SAP30L: variants seen among roughly 807,000 people sequenced by gnomAD.
The protein encoded by SAP30L is histone deacetylase complex subunit SAP30L.
In SAP30L, 10 loss-of-function variants were observed where a neutral mutation model predicts 22.3. The observed-to-expected ratio is 0.45, with a 90% CI of 0.28 to 0.76. The LOEUF (loss-of-function observed/expected upper bound fraction) is 0.76, where lower values mean the gene tolerates loss of function less well. Among genes scored for constraint, SAP30L ranks in the 30% least tolerant of loss-of-function variants. The pLI, the probability that SAP30L is intolerant of heterozygous loss-of-function variation, is 0.14. For synonymous variants in SAP30L, 91 were observed against 94.1 expected, an observed-to-expected ratio of 0.97 and a Z score of 0.19; for missense variants, 206 against 237.9, an observed-to-expected ratio of 0.87 and a Z score of 0.88.
chr5:154,452,196 G>A (rs905913701), intron 2 of SAP30L, among the ~76,000 whole-genome samples: 1 of 152,070 alleles, frequency 6.6e-6, no homozygotes, highest in African/African-American at 2.4e-5. Flanking sequence ...AAGAGTAGGC[G>A]GGCCTTTGTC....
intron 3 of SAP30L, among the ~76,000 whole-genome samples, chr5:154,455,263 C>T (rs936727287): frequency 2.6e-5 from 4 of 152,164 alleles, no homozygotes; most frequent in African/African-American, 4.8e-5. Context: ...TGCTCTGTCT[C>T]CTAGGCTGGG....
Position 154,446,721 on chromosome 5 carries a change from C to T in SAP30L, c.117C>T (p.Val39=). 2 of 1,604,790 alleles carry T rather than the reference C, an allele frequency of 1.2e-6. No individual in the cohort carries two copies. The highest frequency in any genetic ancestry group is 1.7e-6 in the Non-Finnish European group (2 of 1,177,858). ...CCLIEDGERC[V]RPAGNASFSK... is the part of the protein sequence containing the mutation. ...TCATCGAGGACGGCGAGCGCTGCGT[C>T]CGGCCCGCGGGCAACGCCTCCTTCA... The change falls in exon 1 of 4, where the codon GTC becomes GTT. Residue 39 remains valine, a synonymous_variant. Transcript: ENST00000297109.
chr5:154,460,518 A>G lies in SAP30L; in HGVS notation c.*4490A>G, dbSNP rs141905362. 1.1e-4 allele frequency: 16 copies of G among 152,192 alleles called. No individual in the cohort carries two copies. Among genetic ancestry groups the G allele is most frequent in the African/African-American group, 3.9e-4 (16 of 41,430 alleles). The allele number at this position is 152,192 out of a possible 1,614,324, so 9.4% of individuals were successfully genotyped here. A position where few individuals can be genotyped will look rare whatever the true frequency, so the allele number is the denominator to read the frequency against. On this transcript the variant is annotated 3_prime_UTR_variant, in exon 4 of 4. Coordinates refer to ENST00000297109, the MANE Select transcript of SAP30L (RefSeq NM_024632.6). ...GGTGCCTTTTTATTCCTTTCATTGTATTATAGACTGTTTCCAAGTTTATGG... is the reference window on the plus strand; with the variant it reads ...GGTGCCTTTTTATTCCTTTCATTGTGTTATAGACTGTTTCCAAGTTTATGG...
At position 154,446,385 on chromosome 5, in the gene SAP30L, C is replaced by T. The variant is rs1247340095; in HGVS notation, c.-220C>T. ...GGCCCTGCGAGCCGCGGGAGCCGAC[C>T]CCGGGGCCTCGAGCCGGGAGGAAGG... is the stretch of plus-strand genomic sequence containing the variant. On this transcript the variant is annotated 5_prime_UTR_variant, in exon 1 of 4. Coordinates refer to ENST00000297109, the MANE Select transcript of SAP30L (RefSeq NM_024632.6). The T allele has an allele frequency of 5.0e-6, 2 of 403,120 alleles. No individual in the cohort carries two copies. Among genetic ancestry groups the T allele is most frequent in the Non-Finnish European group, 4.3e-6 (1 of 230,634 alleles). The allele number at this position is 403,120 out of a possible 1,614,324, so 25.0% of individuals were successfully genotyped here.
chr5:154,452,191 T>C (rs1277552125), intron 2 of SAP30L, among the ~76,000 whole-genome samples: 2 of 152,054 alleles, frequency 1.3e-5, no homozygotes, highest in African/African-American at 2.4e-5. Flanking sequence ...ATAGAAAGAG[T>C]AGGCGGGCCT....
chr5:154,446,852 C>G (rs558265557), intron 1 of SAP30L, 47 bp downstream of exon 1: 18 of 1,515,232 alleles, frequency 1.2e-5, no homozygotes, highest in Non-Finnish European at 1.4e-5. Context: ...CCCCAGCTCT[C>G]CGTCCGCTGC....
chr5:154,453,117 C>T (rs968364510), intron 2 of SAP30L: 4 of 303,438 alleles, frequency 1.3e-5, no homozygotes, highest in East Asian at 6.0e-5. Flanking sequence ...TTCCCCTATT[C>T]CCTACCGTTT....
In SAP30L at chr5:154,458,093, T is replaced by C. The variant is rs1290683570; in HGVS notation, c.*2065T>C. Reference sequence around the variant, plus strand: ...AGACAATAGCTTCTGCACAAGAATATATGATGGTAGGATCCATCTGTTCAA... The same window carrying C: ...AGACAATAGCTTCTGCACAAGAATACATGATGGTAGGATCCATCTGTTCAA... On this transcript the variant is annotated 3_prime_UTR_variant, in exon 4 of 4. Transcript: ENST00000297109. 3 of 152,372 alleles carry C rather than the reference T, an allele frequency of 2.0e-5. No individual in the cohort carries two copies. In the East Asian group the frequency reaches 5.8e-4, roughly 29 times the overall value. 9.4% of individuals were successfully genotyped at this position (152,372 alleles called of 1,614,324 possible). A position where few individuals can be genotyped will look rare whatever the true frequency, so the allele number is the denominator to read the frequency against.
intron 3 of SAP30L, among the ~76,000 whole-genome samples, chr5:154,454,149 G>A (rs994700717): frequency 3.9e-5 from 6 of 152,194 alleles, no homozygotes; most frequent in Non-Finnish European, 7.3e-5. Context: ...TGATCATTTT[G>A]TGTGTCAGAT....
At chr5:154,455,011 C>T (rs1197575976) in intron 3 of SAP30L, among the ~76,000 whole-genome samples, 1 of 152,050 alleles carries the variant, frequency 6.6e-6, no homozygotes, top group Non-Finnish European at 1.5e-5. Flanking sequence ...CCTCCACCTC[C>T]CGGGTTCAAG....
At chr5:154,447,515 C>T (rs1757047494) in intron 1 of SAP30L, among the ~76,000 whole-genome samples, 1 of 152,228 alleles carries the variant, frequency 6.6e-6, no homozygotes, top group East Asian at 1.9e-4. Context: ...TGTGACTTCA[C>T]CACTTCTAGT....
At chr5:154,455,758 C>G (rs897190090) in intron 3 of SAP30L, 142 bp from the exon 4 acceptor site, 15 of 1,070,238 alleles carry the variant, frequency 1.4e-5, no homozygotes, top group Non-Finnish European at 1.8e-5. Flanking sequence ...ACTCTGAGTT[C>G]CGCACATGGC....
chr5:154,455,888 C>A lies in SAP30L; in HGVS notation c.424-12C>A. The A allele has an allele frequency of 6.3e-7, 1 of 1,599,566 alleles. No homozygotes were observed. Among genetic ancestry groups the A allele is most frequent in the Admixed American group, 1.8e-5 (1 of 55,636 alleles). On this transcript the variant is annotated splice_polypyrimidine_tract_variant and intron_variant, in intron 3 of 3. Coordinates refer to ENST00000297109, the MANE Select transcript of SAP30L (RefSeq NM_024632.6). ...ATGGTTTAAGGAACTTTGGTATTTT[C>A]CCCCCACATAGACTGTGAGTCGACA... is the stretch of plus-strand genomic sequence containing the variant.
In SAP30L at chr5:154,459,815, G is replaced by A. The variant is rs1170575461; in HGVS notation, c.*3787G>A. The A allele has an allele frequency of 6.6e-6, 1 of 152,154 alleles. No individual in the cohort carries two copies. The highest frequency in any genetic ancestry group is 1.5e-5 in the Non-Finnish European group (1 of 68,046). The allele number at this position is 152,154 out of a possible 1,614,324, so 9.4% of individuals were successfully genotyped here. On this transcript the variant is annotated 3_prime_UTR_variant, in exon 4 of 4. Transcript: ENST00000297109. ...AGTTTAAAGTTTTCATGGTTGCCCA[G>A]GGCTTGTACCTTAGATTCCTGTAAG... is the stretch of plus-strand genomic sequence containing the variant.
At chr5:154,450,077 C>G (rs901170873) in intron 1 of SAP30L, among the ~76,000 whole-genome samples, 2 of 152,368 alleles carry the variant, frequency 1.3e-5, no homozygotes, top group Non-Finnish European at 2.9e-5. Context: ...TCAGAAGTCT[C>G]TGCAGAACAT....
chr5:154,452,446 T>A, intron 2 of SAP30L: 1 of 985,014 alleles, frequency 1.0e-6, no homozygotes, highest in Non-Finnish European at 1.2e-6. Context: ...TCATTCATTT[T>A]GTTTTTAAGT....
chr5:154,453,935 T>C (rs1365175424), intron 3 of SAP30L, among the ~76,000 whole-genome samples: 1 of 152,178 alleles, frequency 6.6e-6, no homozygotes, highest in East Asian at 1.9e-4. Context: ...CAAGTGATCC[T>C]TCCCACCTCA....
At chr5:154,454,231 G>A (rs1385555928) in intron 3 of SAP30L, among the ~76,000 whole-genome samples, 1 of 152,098 alleles carries the variant, frequency 6.6e-6, no homozygotes, top group Non-Finnish European at 1.5e-5. Context: ...TCTGGTGTTG[G>A]TAATGACAGT....
chr5:154,454,021 A>C (rs893559491), intron 3 of SAP30L, among the ~76,000 whole-genome samples: 3 of 152,164 alleles, frequency 2.0e-5, no homozygotes, highest in African/African-American at 7.2e-5. Context: ...ATGCAGCCTC[A>C]CTATGTTGCT....
Sources: allele counts gnomAD v4.1 joint callset (sites outside exome capture counted in the v4.1 genomes callset), GRCh38; gene constraint gnomAD v4.1.1; transcripts MANE v1.5; gene names NCBI Gene and HGNC (gene_info 2026-07-23, HGNC 2026-07-21).